The following NAA15 variants were observed in gnomAD, a reference collection of about 807,000 sequenced individuals.
The protein encoded by NAA15 is N-alpha-acetyltransferase 15, NatA auxiliary subunit, also known as N-terminal acetyltransferase.
NAA15 carries 34 observed loss-of-function variants against 114.0 expected under a neutral mutation model. That is an observed-to-expected ratio of 0.30 (90% CI 0.23 to 0.40). The LOEUF is 0.40. Ranked by LOEUF, NAA15 falls within the 10% of genes least tolerant of loss-of-function variation. The pLI is 1.00. For missense variants in NAA15, 658 were observed against 1,004.5 expected, an observed-to-expected ratio of 0.66 and a Z score of 4.66; for synonymous variants, 340 against 338.0, an observed-to-expected ratio of 1.01 and a Z score of -0.06.
intron 15 of NAA15, among the ~76,000 whole-genome samples, chr4:139,373,354 T>C (rs757894189): frequency 4.6e-5 from 7 of 152,124 alleles, no homozygotes; most frequent in Admixed American, 3.9e-4. Flanking sequence ...TGGTAAGTAG[T>C]TGTGTTTCTA....
At chr4:139,329,036 A>ATT (rs1294481724) in intron 1 of NAA15, among the ~76,000 whole-genome samples, 24 of 128,936 alleles carry the variant, frequency 1.9e-4, no homozygotes, top group Middle Eastern at 4.0e-3. Context: ...TGCCTGGCTA[A>ATT]TTTTTTTTTT....
chr4:139,367,768 A>T (rs1056507542), intron 14 of NAA15, among the ~76,000 whole-genome samples: 2 of 152,168 alleles, frequency 1.3e-5, no homozygotes, highest in African/African-American at 4.8e-5. Flanking sequence ...GAGAGTTTTC[A>T]AAACCATCAA....
chr4:139,380,428 A>G (rs1325226423), intron 17 of NAA15, among the ~76,000 whole-genome samples: 1 of 152,226 alleles, frequency 6.6e-6, no homozygotes, highest in Non-Finnish European at 1.5e-5. Flanking sequence ...ATTTTCCTGA[A>G]AGGTAGTAAA....
chr4:139,302,001 T>G (rs925260959), intron 1 of NAA15, 170 bp downstream of exon 1: 5 of 641,340 alleles, frequency 7.8e-6, no homozygotes, highest in Non-Finnish European at 1.2e-5. Flanking sequence ...GTTCCTACTA[T>G]GGCCCGCGCG....
In NAA15 at chr4:139,334,191, A is replaced by G. The variant is rs199885747; in HGVS notation, c.72A>G (p.Lys24=). 31 of 1,597,924 alleles carry G rather than the reference A, an allele frequency of 1.9e-5. No homozygotes were observed. Among genetic ancestry groups the G allele is most frequent in the Middle Eastern group, 1.7e-4 (1 of 6,060 alleles). Residue 24 remains lysine, a synonymous_variant, in exon 2 of 20, where the codon AAA becomes AAG. Transcript: ENST00000296543. The part of the protein sequence containing the change: ...FKRILRCYEH[K]QYRNGLKFCK... Reference sequence around the variant, plus strand: ...TTTGACAGAGGTGTTATGAACATAAACAGTATAGAAATGGATTGAAATTCT... The same window carrying G: ...TTTGACAGAGGTGTTATGAACATAAGCAGTATAGAAATGGATTGAAATTCT...
At chr4:139,368,211 T>TA (rs1748338306) in intron 14 of NAA15, among the ~76,000 whole-genome samples, 1 of 152,252 alleles carries the variant, frequency 6.6e-6, no homozygotes, top group Admixed American at 6.5e-5. Flanking sequence ...ATCTGACTGT[T>TA]ACTATGTGTC....
intron 1 of NAA15, among the ~76,000 whole-genome samples, chr4:139,309,307 C>T (rs1400018168): frequency 6.7e-6 from 1 of 148,560 alleles, no homozygotes; most frequent in Non-Finnish European, 1.5e-5. Flanking sequence ...GAGATCGCGC[C>T]ATTGCTCTCC....
chr4:139,373,758 C>T (rs1748507682), intron 15 of NAA15, among the ~76,000 whole-genome samples: 1 of 151,762 alleles, frequency 6.6e-6, no homozygotes. Context: ...AGTGCAGTAG[C>T]ATGATCTCAG....
intron 1 of NAA15, among the ~76,000 whole-genome samples, chr4:139,325,157 G>C (rs186766318): frequency 1.3e-5 from 2 of 152,088 alleles, no homozygotes; most frequent in Non-Finnish European, 2.9e-5. Context: ...ATTTGGAGGG[G>C]ATTATCTAGT....
At chr4:139,375,958 A>G (rs1173943378) in intron 15 of NAA15, among the ~76,000 whole-genome samples, 1 of 152,214 alleles carries the variant, frequency 6.6e-6, no homozygotes, top group African/African-American at 2.4e-5. Flanking sequence ...TAGCTTGATT[A>G]TACTTCACTT....
chr4:139,322,350 A>G (rs141580180), intron 1 of NAA15, among the ~76,000 whole-genome samples: 1 of 152,312 alleles, frequency 6.6e-6, no homozygotes, highest in East Asian at 1.9e-4. Flanking sequence ...TTCTGCCATG[A>G]TTGTGAGGCT....
chr4:139,340,088 A>G lies in NAA15; in HGVS notation c.245-824A>G, dbSNP rs1161642776. ...TGTAATCCCCGCACTTTGGGAGGCC[A>G]AGGCAGGTGTATTGCTTGGGCTCAG... On this transcript the variant is annotated intron_variant, in intron 3 of 19. Coordinates refer to ENST00000296543, the MANE Select transcript of NAA15 (RefSeq NM_057175.5). 2.6e-5 allele frequency among the ~76,000 whole-genome samples: 4 copies of G among 152,266 alleles called. No individual in the cohort carries two copies. The South Asian group carries it at 8.3e-4, about 32-fold the overall frequency.
intron 18 of NAA15, among the ~76,000 whole-genome samples, chr4:139,385,439 T>C (rs1281693467): frequency 6.6e-6 from 1 of 151,538 alleles, no homozygotes; most frequent in Admixed American, 6.6e-5. Flanking sequence ...AACTTAAATG[T>C]ATATCATAAA....
At chr4:139,385,649 G>A (rs1164712656) in intron 18 of NAA15, among the ~76,000 whole-genome samples, 2 of 152,104 alleles carry the variant, frequency 1.3e-5, no homozygotes, top group Non-Finnish European at 2.9e-5. Context: ...ACCTTTATGG[G>A]ACCATGTGGG....
At chr4:139,326,799 A>AG (rs1209901567) in intron 1 of NAA15, among the ~76,000 whole-genome samples, 1 of 152,256 alleles carries the variant, frequency 6.6e-6, no homozygotes, top group East Asian at 1.9e-4. Context: ...ATTAATACAA[A>AG]GTCAATTAAA....
At chr4:139,318,473 T>C (rs1746485885) in intron 1 of NAA15, 1 of 152,150 alleles carries the variant, frequency 6.6e-6, no homozygotes, top group South Asian at 2.1e-4. Flanking sequence ...ATTCATGAAA[T>C]ATTCCATGTT....
At chr4:139,326,432 G>T (rs1746801661) in intron 1 of NAA15, among the ~76,000 whole-genome samples, 1 of 152,134 alleles carries the variant, frequency 6.6e-6, no homozygotes, top group Non-Finnish European at 1.5e-5. Flanking sequence ...TGTTATTATT[G>T]TTAAGTGTTT....
chr4:139,363,735 G>T (rs888261557), intron 14 of NAA15, among the ~76,000 whole-genome samples: 7 of 152,014 alleles, frequency 4.6e-5, no homozygotes, highest in Non-Finnish European at 1.0e-4. Context: ...TGGGATAAAA[G>T]GTTCATCAGT....
intron 1 of NAA15, among the ~76,000 whole-genome samples, chr4:139,312,638 G>GT (rs1560951658): frequency 2.0e-5 from 3 of 151,780 alleles, no homozygotes; most frequent in Non-Finnish European, 4.4e-5. Flanking sequence ...GAAGTCGGGA[G>GT]TTTGAGACCA....
Sources: allele counts gnomAD v4.1 joint callset (sites outside exome capture counted in the v4.1 genomes callset), GRCh38; gene constraint gnomAD v4.1.1; transcripts MANE v1.5; gene names NCBI Gene and HGNC (gene_info 2026-07-23, HGNC 2026-07-21).